The following MAST2 variants were observed in gnomAD, a reference collection of about 807,000 sequenced individuals.
The protein encoded by MAST2 is microtubule-associated serine/threonine-protein kinase 2.
A neutral mutation model predicts 147.4 loss-of-function variants in MAST2; 70 were observed. The observed-to-expected ratio is 0.47, with a 90% CI of 0.39 to 0.58. The LOEUF is 0.58. Among genes scored for constraint, MAST2 ranks in the 20% least tolerant of loss-of-function variants. The pLI is 0.00. For synonymous variants in MAST2, 869 were observed against 896.8 expected (o/e 0.97, Z 0.55); for missense variants, 2,080 against 2,302.3 (o/e 0.90, Z 1.98).
intron 4 of MAST2, among the ~76,000 whole-genome samples, chr1:45,899,198 A>G (rs1217888392): frequency 6.6e-6 from 1 of 152,122 alleles, no homozygotes; most frequent in African/African-American, 2.4e-5. Flanking sequence ...CCATCCATGA[A>G]CCAAACAGCT....
intron 5 of MAST2, among the ~76,000 whole-genome samples, chr1:45,983,488 C>CT (rs766505425): frequency 0.011 from 1,507 of 139,506 alleles, 21 homozygotes; most frequent in African/African-American, 0.026. Context: ...GAGTAAGACA[C>CT]TTTTTTTTTT....
intron 3 of MAST2, among the ~76,000 whole-genome samples, chr1:45,859,849 G>A (rs1217392779): frequency 3.9e-5 from 6 of 152,132 alleles, no homozygotes; most frequent in African/African-American, 1.4e-4. Flanking sequence ...TAGAGAAGAT[G>A]ATGAAAATGT....
intron 10 of MAST2, 155 bp downstream of exon 10, chr1:46,011,094 T>A: frequency 1.5e-6 from 1 of 646,568 alleles, no homozygotes; most frequent in Non-Finnish European, 2.7e-6. Context: ...AGATTCCTCC[T>A]CAGTCCCCTG....
chr1:46,014,668 C>G (rs1645859019), intron 10 of MAST2, among the ~76,000 whole-genome samples: 1 of 152,046 alleles, frequency 6.6e-6, no homozygotes, highest in African/African-American at 2.4e-5. Flanking sequence ...CACCCAGTTT[C>G]ATAAAGCAAG....
rs1644700933 is a variant in MAST2 at position 45,987,777 on chromosome 1, A to ATTTTTTTTTTTTTTTTTTTTTTTTG, written c.593-9946_593-9922dup. 4.2e-3 allele frequency among the ~76,000 whole-genome samples: 91 copies of ATTTTTTTTTTTTTTTTTTTTTTTTG among 21,818 alleles called. 5 individuals carry two copies. Among genetic ancestry groups the ATTTTTTTTTTTTTTTTTTTTTTTTG allele is most frequent in the East Asian group, 9.9e-3 (7 of 708 alleles). The allele number at this position is 21,818 out of a possible 152,430, so 14.3% of individuals were successfully genotyped here. On this transcript the variant is annotated intron_variant, in intron 5 of 28. Transcript: ENST00000361297. ...AGCATTTCTTGTTTTTTTTTTTTTG[A>ATTTTTTTTTTTTTTTTTTTTTTTTG]TTTTTTTTTTTTTTTTTTTTTTTTG... is the stretch of plus-strand genomic sequence containing the variant.
chr1:46,031,384 C>T lies in MAST2; in HGVS notation c.2993-7C>T, dbSNP rs1557514669. On this transcript the variant is annotated splice_polypyrimidine_tract_variant and splice_region_variant and intron_variant, in intron 23 of 28. Transcript: ENST00000361297. The surrounding 1 kb of genome is among the most constrained non-coding windows in gnomAD (Gnocchi z 4.1). ...TCGCGGGTCTCACTGCTTACTTGGG[C>T]CTACAGCTATGGAGACCCGAGGCCG... 1.9e-6 allele frequency: 3 copies of T among 1,606,918 alleles called. No homozygotes were observed. Among genetic ancestry groups the T allele is most frequent in the South Asian group, 1.1e-5 (1 of 90,422 alleles).
intron 2 of MAST2, among the ~76,000 whole-genome samples, chr1:45,826,828 T>TTTTA (rs1170722080): frequency 2.0e-5 from 3 of 152,082 alleles, no homozygotes; most frequent in South Asian, 4.2e-4. Context: ...TACTTTTTAT[T>TTTTA]TTTATTTATT....
intron 1 of MAST2, among the ~76,000 whole-genome samples, chr1:45,820,338 A>G (rs1014200548): frequency 3.3e-5 from 5 of 152,212 alleles, no homozygotes; most frequent in Non-Finnish European, 7.3e-5. Context: ...GAGGCAACCA[A>G]AGCAAAACTG....
Position 46,025,796 on chromosome 1 carries a change from C to T in MAST2, c.1900C>T (p.Arg634Cys). 2 of 1,614,150 alleles carry T rather than the reference C, an allele frequency of 1.2e-6. No individual in the cohort carries two copies. The highest frequency in any genetic ancestry group is 1.3e-5 in the African/African-American group (1 of 75,026). ...CTTACACAACTATGGCATCGTGCAC[C>T]GTGACCTCAAGCCTGACAAGTATGT... ...EYLHNYGIVH[R>C]DLKPDNLLIT... is the part of the protein sequence containing the mutation. Residue 634 changes from arginine to cysteine, a missense_variant, in exon 16 of 29, where the codon CGT (arginine) becomes TGT (cysteine). Physicochemically the swap from Arg to Cys is radical, Grantham distance 180 (BLOSUM62 -3). Around this residue, in one of 4 missense-constraint regions of MAST2, gnomAD observed 209 missense variants for 309.5 expected, o/e 0.68. Transcript: ENST00000361297.
At chr1:45,834,204 T>C (rs1570290674) in intron 3 of MAST2, among the ~76,000 whole-genome samples, 2 of 152,130 alleles carry the variant, frequency 1.3e-5, no homozygotes, top group Non-Finnish European at 2.9e-5. Flanking sequence ...TTAAAAATAA[T>C]AAAACATCAC....
intron 4 of MAST2, among the ~76,000 whole-genome samples, chr1:45,918,128 A>G (rs533413918): frequency 6.6e-6 from 1 of 152,372 alleles, no homozygotes; most frequent in Admixed American, 6.5e-5. Flanking sequence ...ACGGATAGAC[A>G]GTGCTTCTGA....
intron 6 of MAST2, among the ~76,000 whole-genome samples, chr1:46,000,591 C>T (rs1645235418): frequency 6.6e-6 from 1 of 152,096 alleles, no homozygotes. Flanking sequence ...AGTGGCATGA[C>T]ATTTGAGTCA....
intron 12 of MAST2, 144 bp from the exon 13 acceptor site, chr1:46,022,761 GGTATA>G (rs1246070159): frequency 2.8e-5 from 18 of 646,616 alleles, no homozygotes; most frequent in Admixed American, 2.6e-5. Flanking sequence ...GACTACATTG[GGTATA>G]GTGCCATGGG....
intron 3 of MAST2, among the ~76,000 whole-genome samples, chr1:45,846,691 G>A (rs1645447328): frequency 6.6e-6 from 1 of 152,012 alleles, no homozygotes; most frequent in Non-Finnish European, 1.5e-5. Flanking sequence ...TGGGCGTGGT[G>A]GCGGGTACCT....
intron 4 of MAST2, among the ~76,000 whole-genome samples, chr1:45,948,706 C>CAAAAAAAAAAAA (rs34012353): frequency 3.0e-4 from 12 of 40,258 alleles, no homozygotes; most frequent in Non-Finnish European, 3.6e-4. Context: ...GACTCCATCT[C>CAAAAAAAAAAAA]AAAAAAAAAA....
chr1:45,988,863 C>CT (rs34619960), intron 5 of MAST2, among the ~76,000 whole-genome samples: 43,297 of 151,854 alleles, frequency 0.29, 6,293 homozygotes, highest in South Asian at 0.39. Context: ...TGTTTTATCC[C>CT]TTCCTTACTA....
intron 3 of MAST2, among the ~76,000 whole-genome samples, chr1:45,869,777 A>G (rs922482241): frequency 1.1e-4 from 17 of 152,264 alleles, no homozygotes; most frequent in Admixed American, 5.2e-4. Context: ...GATAAAGTAC[A>G]GTATATTACC....
intron 4 of MAST2, among the ~76,000 whole-genome samples, chr1:45,928,197 GTC>G (rs1654715738): frequency 1.3e-5 from 2 of 152,050 alleles, no homozygotes; most frequent in Admixed American, 1.3e-4. Flanking sequence ...TTCTTTCTCT[GTC>G]TCTCTTGCTT....
chr1:45,813,486 C>A (rs999424560), intron 1 of MAST2, among the ~76,000 whole-genome samples: 1 of 147,502 alleles, frequency 6.8e-6, no homozygotes, highest in Non-Finnish European at 1.5e-5. Flanking sequence ...GCCGCCACCA[C>A]GCCTGGCCAA....
Sources: allele counts gnomAD v4.1 joint callset (sites outside exome capture counted in the v4.1 genomes callset), GRCh38; gene constraint gnomAD v4.1.1; regional missense constraint gnomAD v4.1.1; non-coding constraint Gnocchi (gnomAD v3.1); transcripts MANE v1.5; gene names NCBI Gene and HGNC (gene_info 2026-07-23, HGNC 2026-07-21).